ZNF582: variants seen among roughly 807,000 people sequenced by gnomAD.
The protein encoded by ZNF582 is zinc finger protein 582.
In ZNF582, 14 loss-of-function variants were observed where a neutral mutation model predicts 12.3. The observed-to-expected ratio is 1.14, with a 90% CI of 0.75 to 1.78. The LOEUF is 1.78. ZNF582 is among the 40% of genes most tolerant of loss of function. The pLI is 0.00. For missense variants in ZNF582, 567 were observed against 616.5 expected, an observed-to-expected ratio of 0.92 and a Z score of 0.85; for synonymous variants, 210 against 207.2, an observed-to-expected ratio of 1.01 and a Z score of -0.11.
intron 4 of ZNF582, among the ~76,000 whole-genome samples, chr19:56,388,758 A>G (rs932962651): frequency 3.9e-5 from 6 of 151,918 alleles, no homozygotes; most frequent in Non-Finnish European, 7.4e-5. Flanking sequence ...TCAGCCTCCC[A>G]AGTAGCTGGG....
chr19:56,389,081 C>T (rs2041994566), intron 4 of ZNF582, among the ~76,000 whole-genome samples: 1 of 152,204 alleles, frequency 6.6e-6, no homozygotes, highest in Non-Finnish European at 1.5e-5. Context: ...GCTGAAATGC[C>T]TTATCCTTGA....
chr19:56,391,902 T>C, intron 1 of ZNF582, 70 bp from the exon 2 acceptor site: 1 of 1,353,640 alleles, frequency 7.4e-7, no homozygotes, highest in Admixed American at 1.8e-5. Flanking sequence ...AAGTTACAAG[T>C]CCCCACCTGC....
rs1000411706 is a variant in ZNF582, at chr19:56,391,685, A to T, written c.9+59T>A. The T allele has an allele frequency of 2.6e-6, 4 of 1,521,742 alleles. No homozygotes were observed. In the African/African-American group the frequency reaches 5.5e-5, roughly 21 times the overall value. The allele number at this position is 1,521,742 out of a possible 1,614,324, so 94.3% of individuals were successfully genotyped here. ...TCTGAGAACCAAATTTCTGGATGGA[A>T]CCCAGGTGGAAAGTTTCAAGATAAG... On this transcript the variant is annotated intron_variant, in intron 2 of 4. Coordinates refer to ENST00000586929, the Ensembl canonical transcript of ZNF582.
intron 4 of ZNF582, chr19:56,388,383 T>A (rs936833754): frequency 6.6e-6 from 1 of 152,164 alleles, no homozygotes; most frequent in Non-Finnish European, 1.5e-5. Context: ...TTTACAGGAG[T>A]ATGTGATCTA....
At chr19:56,384,217 A>G in exon 5 of ZNF582, 1 of 1,613,662 alleles carries the variant, frequency 6.2e-7, no homozygotes, top group Non-Finnish European at 8.5e-7. Flanking sequence ...AGGCCCTACC[A>G]CATACCTTAC....
chr19:56,389,285 T>C (rs1052857449), intron 4 of ZNF582, among the ~76,000 whole-genome samples: 1 of 152,210 alleles, frequency 6.6e-6, no homozygotes, highest in Non-Finnish European at 1.5e-5. Flanking sequence ...AAAAGCTTAA[T>C]AAGTACTTGT....
In ZNF582 at chr19:56,384,322, T is replaced by TAG. The variant is rs754195264; in HGVS notation, c.1094_1095insCT (p.Lys365AsnfsTer15). On this transcript the variant is annotated frameshift_variant, in exon 5 of 5. Coordinates refer to ENST00000586929, the Ensembl canonical transcript of ZNF582. LOFTEE classifies it low-confidence loss of function (END_TRUNC). ...TTCCACATACTTTGCACTCATAGGGTTTCTCACCGGTATGAATTCTCTGAT... is the reference window on the plus strand; with the variant it reads ...TTCCACATACTTTGCACTCATAGGGTAGTTCTCACCGGTATGAATTCTCTGAT... The TAG allele has an allele frequency of 2.3e-5, 37 of 1,612,990 alleles. No individual in the cohort carries two copies. The highest frequency in any genetic ancestry group is 3.1e-5 in the Non-Finnish European group (37 of 1,179,738).
rs751898689 is a variant in ZNF582 at position 56,384,596 on chromosome 19, TG to T, written c.820del (p.Gln274SerfsTer53). ...GGGTTTCTCGCCTGTGTGAGTTCGC[TG>T]ATGTTCAATCAACTGTGAGCTTCGA... On this transcript the variant is annotated frameshift_variant, in exon 5 of 5. Coordinates refer to ENST00000586929, the Ensembl canonical transcript of ZNF582. LOFTEE classifies it low-confidence loss of function (END_TRUNC). 699 of 1,614,086 alleles carry T rather than the reference TG, an allele frequency of 4.3e-4. No individual in the cohort carries two copies. The highest frequency in any genetic ancestry group is 5.5e-4 in the Non-Finnish European group (644 of 1,180,048).
At position 56,385,008 on chromosome 19, in the gene ZNF582, TG is replaced by T. The variant is rs2041952852; in HGVS notation, c.408del (p.Asp136GlufsTer7). 6.2e-7 allele frequency: 1 copy of T among 1,614,060 alleles called. No homozygotes were observed. The highest frequency in any genetic ancestry group is 1.3e-5 in the African/African-American group (1 of 74,932). ...CTGATGATCATCTGATGGAAATGTC[TG>T]TCTGGATTTCCCTGTTGTCTGTCAA... On this transcript the variant is annotated frameshift_variant, in exon 5 of 5. Coordinates refer to ENST00000586929, the Ensembl canonical transcript of ZNF582. LOFTEE classifies it low-confidence loss of function (END_TRUNC).
chr19:56,388,816 C>T (rs114237303), intron 4 of ZNF582, among the ~76,000 whole-genome samples: 1,687 of 152,058 alleles, frequency 0.011, 34 homozygotes, highest in African/African-American at 0.039. Context: ...TGATTTTAGT[C>T]GGGACGAGGT....
At chr19:56,389,883 G>GT in intron 4 of ZNF582, 118 bp downstream of exon 4, 1 of 717,264 alleles carries the variant, frequency 1.4e-6, no homozygotes, top group Non-Finnish European at 2.3e-6. Flanking sequence ...AAAACAACAC[G>GT]TAAGACATAA....
In ZNF582 at chr19:56,385,097, C is replaced by G. The variant is rs1386117109; in HGVS notation, c.320G>C (p.Ser107Thr). The G allele has an allele frequency of 2.5e-6, 4 of 1,613,906 alleles. No individual in the cohort carries two copies. In the African/African-American group the frequency reaches 5.3e-5, roughly 22 times the overall value. ...ACACTCAAGACCATAACTTGTAAGGCTTTCCATTATCTCCCATTGGGGTGA... is the reference window on the plus strand; with the variant it reads ...ACACTCAAGACCATAACTTGTAAGGGTTTCCATTATCTCCCATTGGGGTGA... The change falls in exon 5 of 5, where the codon AGC (serine) becomes ACC (threonine). Residue 107 changes from serine to threonine, a missense_variant. Transcript: ENST00000586929.
chr19:56,384,495 C>T, exon 5 of ZNF582: 1 of 1,608,732 alleles, frequency 6.2e-7, no homozygotes, highest in South Asian at 1.1e-5. Context: ...TAGGGTTTTT[C>T]ACCAGTATGA....
intron 2 of ZNF582, 85 bp from the exon 3 acceptor site, chr19:56,390,586 G>C (rs770071559): frequency 6.4e-5 from 97 of 1,510,294 alleles, no homozygotes; most frequent in African/African-American, 2.9e-4. Context: ...TTTGCGGGAG[G>C]GGGGGTTGTT....
exon 5 of ZNF582, chr19:56,384,278 G>A: frequency 6.2e-7 from 1 of 1,614,024 alleles, no homozygotes; most frequent in Non-Finnish European, 8.5e-7. Context: ...CTTGAGTTGT[G>A]AGCTCACTCT....
chr19:56,383,557 T>C (rs141915541), exon 5 of ZNF582: 1 of 221,634 alleles, frequency 4.5e-6, no homozygotes, highest in Non-Finnish European at 8.7e-6. Flanking sequence ...GATTTCTTTG[T>C]TAAGCAAATG....
chr19:56,384,659 T>C (rs558349299), exon 5 of ZNF582: 1 of 1,614,136 alleles, frequency 6.2e-7, no homozygotes, highest in East Asian at 2.2e-5. Context: ...TTCATACGGT[T>C]TCTCACCAGT....
At chr19:56,387,517 TTAAG>T (rs2041977060) in intron 4 of ZNF582, 1 of 152,238 alleles carries the variant, frequency 6.6e-6, no homozygotes, top group Non-Finnish European at 1.5e-5. Context: ...GCATTTTAGT[TTAAG>T]TATGACACTG....
exon 5 of ZNF582, chr19:56,383,529 C>T: frequency 5.4e-6 from 1 of 184,250 alleles, no homozygotes; most frequent in Non-Finnish European, 1.1e-5. Flanking sequence ...TTTTCATTAC[C>T]ATTTATGGTA....
Sources: gnomAD v4.1 joint callset for allele counts (sites outside exome capture counted in the v4.1 genomes callset) on GRCh38, gnomAD v4.1.1 for gene constraint, MANE v1.5 for transcripts, NCBI Gene and HGNC (gene_info 2026-07-23, HGNC 2026-07-21) for gene names.